MAB21L4: variants seen among roughly 807,000 people sequenced by gnomAD.
The protein encoded by MAB21L4 is protein mab-21-like 4.
In MAB21L4, 25 loss-of-function variants were observed where a neutral mutation model predicts 32.4. The ratio of observed to expected loss-of-function variants is 0.77; its 90% CI spans 0.56 to 1.08. The LOEUF (loss-of-function observed/expected upper bound fraction) is 1.08. Among genes scored for constraint, MAB21L4 ranks in the 50% least tolerant of loss-of-function variants. The probability of loss-of-function intolerance (pLI) is 0.00; values close to 1 mark genes in which losing one functional copy is unlikely to be tolerated. For missense variants in MAB21L4, 638 were observed against 611.0 expected, an observed-to-expected ratio of 1.04 and a Z score of -0.47; for synonymous variants, 280 against 276.8, an observed-to-expected ratio of 1.01 and a Z score of -0.11.
At chr2:240,889,503 G>A (rs1408081937) in intron 3 of MAB21L4, among the ~76,000 whole-genome samples, 1 of 152,230 alleles carries the variant, frequency 6.6e-6, no homozygotes, top group Admixed American at 6.5e-5. Flanking sequence ...CCTGGCCCCT[G>A]CCTGTTCCTT....
chr2:240,888,827 C>CGAAGCGGGAAG (rs2059120057), intron 3 of MAB21L4, among the ~76,000 whole-genome samples, 179 bp from the exon 4 acceptor site: 1 of 151,924 alleles, frequency 6.6e-6, no homozygotes, highest in African/African-American at 2.4e-5. Context: ...ACCCGCTGCC[C>CGAAGCGGGAAG]CCAGCCTGCT....
chr2:240,886,889 C>T lies in MAB21L4; in HGVS notation c.*181G>A, dbSNP rs907229435. 1.8e-6 allele frequency: 1 copy of T among 562,276 alleles called. No individual in the cohort carries two copies. Among genetic ancestry groups the T allele is most frequent in the Non-Finnish European group, 3.2e-6 (1 of 317,378 alleles). The allele number at this position is 562,276 out of a possible 1,614,324, so 34.8% of individuals were successfully genotyped here. ...CCCAGGGAGGAGGTGCTCCAAGAGG[C>T]CTGCCCTGCCCCACCAGGCACTGAA... On this transcript the variant is annotated 3_prime_UTR_variant, in exon 5 of 5. Coordinates refer to ENST00000388934, the MANE Select transcript of MAB21L4 (RefSeq NM_001085437.3).
intron 3 of MAB21L4, 51 bp downstream of exon 3, chr2:240,889,954 C>A: frequency 6.4e-7 from 1 of 1,563,406 alleles, no homozygotes; most frequent in Non-Finnish European, 8.7e-7. Flanking sequence ...CTGGGTGCAC[C>A]TACCCCTGGG....
Position 240,895,988 on chromosome 2 carries a change from G to A in MAB21L4, c.10C>T (p.Pro4Ser). Residue 4 changes from proline to serine, a missense_variant, in exon 1 of 5, where the codon CCT becomes TCT. Pro to Ser is a moderately conservative substitution (Grantham distance 74). Transcript: ENST00000388934. ...GCCATGGCTGAGGTGGGGAGAGCAG[G>A]GGCAGGCATCCCTTCAACAGTGGCA... is the stretch of plus-strand genomic sequence containing the variant. MPAPALPTSAMAVQ... is the reference protein window; with the variant it reads MPASALPTSAMAVQ... 1 of 1,454,362 alleles carries A rather than the reference G, an allele frequency of 6.9e-7. No homozygotes were observed. Among genetic ancestry groups the A allele is most frequent in the Non-Finnish European group, 9.0e-7 (1 of 1,108,750 alleles). 90.1% of individuals were successfully genotyped at this position (1,454,362 alleles called of 1,614,324 possible). A position where few individuals can be genotyped will look rare whatever the true frequency, so the allele number is the denominator to read the frequency against.
chr2:240,893,317 G>A (rs1477731066), intron 1 of MAB21L4, among the ~76,000 whole-genome samples: 1 of 152,200 alleles, frequency 6.6e-6, no homozygotes, highest in Admixed American at 6.5e-5. Flanking sequence ...GGACGCCTCT[G>A]GGGCCCACCT....
At chr2:240,893,718 C>G (rs1475571368) in intron 1 of MAB21L4, among the ~76,000 whole-genome samples, 3 of 152,212 alleles carry the variant, frequency 2.0e-5, no homozygotes, top group East Asian at 3.9e-4. Context: ...CCTGCAGTAT[C>G]GAGTCTGCTT....
At chr2:240,895,443 G>A (rs764070242) in intron 1 of MAB21L4, 41 bp downstream of exon 1, 35 of 1,465,130 alleles carry the variant, frequency 2.4e-5, no homozygotes, top group Admixed American at 1.4e-4. Context: ...GCAGCCCCTC[G>A]GTACACGCAG....
chr2:240,891,840 C>T (rs746812384), intron 1 of MAB21L4, 77 bp from the exon 2 acceptor site: 1 of 1,593,882 alleles, frequency 6.3e-7, no homozygotes, highest in South Asian at 1.1e-5. Context: ...CCTCCTGCTG[C>T]CAACTTGGCC....
At chr2:240,890,792 G>C (rs551750413) in intron 2 of MAB21L4, among the ~76,000 whole-genome samples, 1 of 152,348 alleles carries the variant, frequency 6.6e-6, no homozygotes, top group Non-Finnish European at 1.5e-5. Flanking sequence ...ATTCTGCCCA[G>C]CCCAGCCCTT....
At chr2:240,889,963 G>C in intron 3 of MAB21L4, 42 bp downstream of exon 3, 1 of 1,575,594 alleles carries the variant, frequency 6.3e-7, no homozygotes, top group Non-Finnish European at 8.7e-7. Context: ...CCTACCCCTG[G>C]GCCCTGGTGA....
chr2:240,895,985 C>A lies in MAB21L4; in HGVS notation c.13G>T (p.Ala5Ser), dbSNP rs1159936553. The change falls in exon 1 of 5, where the codon GCT becomes TCT. Residue 5 changes from alanine to serine, a missense_variant. Transcript: ENST00000388934. MPAP[A>S]LPTSAMAVQV... Reference sequence around the variant, plus strand: ...ACGGCCATGGCTGAGGTGGGGAGAGCAGGGGCAGGCATCCCTTCAACAGTG... The same window carrying A: ...ACGGCCATGGCTGAGGTGGGGAGAGAAGGGGCAGGCATCCCTTCAACAGTG... The A allele has an allele frequency of 1.4e-6, 2 of 1,454,468 alleles. No homozygotes were observed. The highest frequency in any genetic ancestry group is 1.8e-6 in the Non-Finnish European group (2 of 1,108,850). 90.1% of individuals were successfully genotyped at this position (1,454,468 alleles called of 1,614,324 possible).
intron 4 of MAB21L4, 103 bp from the exon 5 acceptor site, chr2:240,887,265 G>A (rs1037066032): frequency 1.7e-5 from 16 of 917,488 alleles, no homozygotes; most frequent in Non-Finnish European, 6.9e-6. Context: ...CCCTCCCTGG[G>A]CCATGCCGGG....
intron 1 of MAB21L4, 82 bp from the exon 2 acceptor site, chr2:240,891,845 T>C: frequency 6.3e-7 from 1 of 1,592,694 alleles, no homozygotes; most frequent in Non-Finnish European, 8.6e-7. Flanking sequence ...TGCTGCCAAC[T>C]TGGCCCCTGC....
chr2:240,895,329 C>T (rs1308103448), intron 1 of MAB21L4, among the ~76,000 whole-genome samples, 155 bp downstream of exon 1: 1 of 152,254 alleles, frequency 6.6e-6, no homozygotes, highest in Non-Finnish European at 1.5e-5. Flanking sequence ...TGCACACATG[C>T]CTGTGCGTGC....
chr2:240,889,871 T>A (rs1306744662), intron 3 of MAB21L4, 134 bp downstream of exon 3: 1 of 1,110,806 alleles, frequency 9.0e-7, no homozygotes, highest in African/African-American at 1.6e-5. Context: ...GGGCAGGCCC[T>A]CAGAATCCCC....
Position 240,886,284 on chromosome 2 carries a change from C to T in MAB21L4, c.*786G>A, listed in dbSNP as rs1348832498. On this transcript the variant is annotated 3_prime_UTR_variant, in exon 5 of 5. Transcript: ENST00000388934. The stretch of plus-strand genomic sequence containing the variant: ...GAGAACAGTAAGGGAGAAATCCACC[C>T]CCATGATCCAATCACCTCCCACTGG... 4 of 152,168 alleles carry T rather than the reference C, an allele frequency of 2.6e-5. No homozygotes were observed. Among genetic ancestry groups the T allele is most frequent in the Non-Finnish European group, 2.9e-5 (2 of 68,048 alleles). 9.4% of individuals were successfully genotyped at this position (152,168 alleles called of 1,614,324 possible). A position where few individuals can be genotyped will look rare whatever the true frequency, so the allele number is the denominator to read the frequency against.
intron 4 of MAB21L4, 112 bp from the exon 5 acceptor site, chr2:240,887,274 G>A: frequency 1.2e-6 from 1 of 851,866 alleles, no homozygotes; most frequent in Non-Finnish European, 1.9e-6. Context: ...GGCCATGCCG[G>A]GCCTTCCTGC....
Position 240,888,577 on chromosome 2 carries a change from G to T in MAB21L4, c.966C>A (p.Tyr322Ter), listed in dbSNP as rs1318325268. ...AACAGAGCAGCACCACCAGCAGGCG[G>T]TACACGGCGCCCTGCAGTTCTGCCC... Reference protein sequence around the residue: ...EDWAELQGAVYRLLVVLLCCL... With the variant: ...EDWAELQGAV The change falls in exon 4 of 5, where the codon TAC becomes TAA. Residue 322 changes from tyrosine (Y) to a stop codon, truncating the protein, a stop_gained. Transcript: ENST00000388934. LOFTEE classifies it high-confidence loss of function. 1.2e-6 allele frequency: 2 copies of T among 1,608,024 alleles called. No individual in the cohort carries two copies. Among genetic ancestry groups the T allele is most frequent in the South Asian group, 1.1e-5 (1 of 90,726 alleles).
In MAB21L4 at chr2:240,888,595, T is replaced by C. The variant is rs6708304; in HGVS notation, c.948A>G (p.Glu316=). ...GCAGGCGGTACACGGCGCCCTGCAG[T>C]TCTGCCCAGTCCTCGGGCGCCAGGA... ...VLFLAPEDWA[E]LQGAVYRLLV... The change falls in exon 4 of 5, where the codon GAA becomes GAG. Residue 316 remains glutamate (E), a synonymous_variant. Transcript: ENST00000388934. 805,720 of 1,603,622 alleles carry C rather than the reference T, an allele frequency of 0.5. 206,356 individuals carry two copies. The highest frequency in any genetic ancestry group is 0.76 in the African/African-American group (57,015 of 74,688).
Sources: allele counts gnomAD v4.1 joint callset (sites outside exome capture counted in the v4.1 genomes callset), GRCh38; gene constraint gnomAD v4.1.1; transcripts MANE v1.5; gene names NCBI Gene and HGNC (gene_info 2026-07-23, HGNC 2026-07-21).